The following HYDIN variants were observed in gnomAD, a reference collection of about 807,000 sequenced individuals.
HYDIN encodes the protein axonemal central pair apparatus protein HYDIN.
HYDIN carries 132 observed loss-of-function variants against 403.9 expected under a neutral mutation model. The observed-to-expected ratio is 0.33, with a 90% CI of 0.28 to 0.38. The LOEUF (loss-of-function observed/expected upper bound fraction) is 0.38. Among genes scored for constraint, HYDIN ranks in the 10% least tolerant of loss-of-function variants. The probability of loss-of-function intolerance (pLI) is 1.00; values close to 1 mark genes in which losing one functional copy is unlikely to be tolerated. For synonymous variants in HYDIN, 1,202 were observed against 1,891.7 expected (o/e 0.64, Z 9.46); for missense variants, 2,827 against 5,009.5 (o/e 0.56, Z 13.15).
rs1283197862 is a variant in HYDIN at position 70,831,512 on chromosome 16, A to C, written c.13899+1336T>G. Among the ~76,000 whole-genome samples, 7 of 109,088 alleles carry C rather than the reference A, an allele frequency of 6.4e-5. No homozygotes were observed. In the South Asian group the frequency reaches 1.4e-3, roughly 23 times the overall value. The allele number at this position is 109,088 out of a possible 152,430, so 71.6% of individuals were successfully genotyped here. ...GAACAGAGTGAGACTCTGTCTCAGAAAAAAAAAAAAAAAAACCAAAAAAAA... is the reference window on the plus strand; with the variant it reads ...GAACAGAGTGAGACTCTGTCTCAGACAAAAAAAAAAAAAAACCAAAAAAAA... On this transcript the variant is annotated intron_variant, in intron 80 of 85. Transcript: ENST00000393567.
rs1798538 is a variant in HYDIN, at chr16:70,981,288, C to G, written c.4510+103G>C. 2.7e-4 allele frequency: 396 copies of G among 1,459,324 alleles called. 4 individuals carry two copies. Among genetic ancestry groups the G allele is most frequent in the Middle Eastern group, 2.0e-3 (8 of 3,912 alleles). The allele number at this position is 1,459,324 out of a possible 1,614,324, so 90.4% of individuals were successfully genotyped here. On this transcript the variant is annotated intron_variant, in intron 29 of 85. Transcript: ENST00000393567. ...AATAACGTGGAAGAGAACCACAGGGCATTTCCAAGCAAATAAAGTAAGTAG... is the reference window on the plus strand; with the variant it reads ...AATAACGTGGAAGAGAACCACAGGGGATTTCCAAGCAAATAAAGTAAGTAG...
chr16:70,852,306 AG>A (rs1281189374), intron 73 of HYDIN, among the ~76,000 whole-genome samples: 1 of 75,506 alleles, frequency 1.3e-5, no homozygotes, highest in Non-Finnish European at 2.2e-5. Flanking sequence ...ATACCTTATA[AG>A]TTAATAAAAA....
chr16:71,018,716 T>C (rs1210990005), intron 22 of HYDIN, among the ~76,000 whole-genome samples: 1 of 152,248 alleles, frequency 6.6e-6, no homozygotes, highest in African/African-American at 2.4e-5. Context: ...GCAAGGAAAA[T>C]CTGGAATTAT....
At chr16:71,197,973 C>T (rs1241681280) in intron 1 of HYDIN, among the ~76,000 whole-genome samples, 1 of 152,222 alleles carries the variant, frequency 6.6e-6, no homozygotes, top group African/African-American at 2.4e-5. Context: ...TCTCAAACTC[C>T]TGACCTCAAG....
intron 5 of HYDIN, among the ~76,000 whole-genome samples, chr16:71,168,815 T>C (rs2086350308): frequency 6.6e-6 from 1 of 152,204 alleles, no homozygotes; most frequent in African/African-American, 2.4e-5. Context: ...GACACTTACA[T>C]GCAGCTGTAA....
chr16:71,004,797 A>G (rs991559216), intron 23 of HYDIN, among the ~76,000 whole-genome samples: 23 of 152,282 alleles, frequency 1.5e-4, no homozygotes, highest in Admixed American at 1.4e-3. Context: ...TAAGTTTGAA[A>G]TTATTTATTT....
intron 38 of HYDIN, among the ~76,000 whole-genome samples, 187 bp downstream of exon 38, chr16:70,961,772 A>G (rs1442850781): frequency 6.6e-6 from 1 of 151,624 alleles, no homozygotes; most frequent in South Asian, 2.1e-4. Context: ...TCATCACCCA[A>G]CTCTCAAGCT....
intron 8 of HYDIN, among the ~76,000 whole-genome samples, chr16:71,136,095 G>T (rs915259843): frequency 2.7e-5 from 4 of 147,304 alleles, no homozygotes; most frequent in African/African-American, 1.0e-4. Context: ...GTTAATTCAG[G>T]GAGGTTGGAA....
At chr16:70,824,920 G>A (rs2036498004) in intron 83 of HYDIN, among the ~76,000 whole-genome samples, 1 of 151,736 alleles carries the variant, frequency 6.6e-6, no homozygotes, top group African/African-American at 2.4e-5. Flanking sequence ...TGTCACCTCA[G>A]CTCACTGCAA....
At chr16:71,058,904 TATG>T (rs1162009544) in intron 18 of HYDIN, among the ~76,000 whole-genome samples, 8 of 152,234 alleles carry the variant, frequency 5.3e-5, no homozygotes, top group East Asian at 3.9e-4. Context: ...TGAAGATCTT[TATG>T]ATGATTACCT....
At chr16:71,070,183 C>G (rs1245940139) in intron 13 of HYDIN, among the ~76,000 whole-genome samples, 1 of 152,214 alleles carries the variant, frequency 6.6e-6, no homozygotes, top group East Asian at 1.9e-4. Context: ...AGACTCCTCT[C>G]TTAAGAGATG....
At chr16:71,073,909 A>G (rs1257499253) in intron 13 of HYDIN, among the ~76,000 whole-genome samples, 1 of 152,138 alleles carries the variant, frequency 6.6e-6, no homozygotes, top group Non-Finnish European at 1.5e-5. Context: ...CCAACATCCA[A>G]TCCTACCATC....
At chr16:70,902,794 AATATATATAT>A (rs1264288990) in intron 52 of HYDIN, among the ~76,000 whole-genome samples, 3 of 61,158 alleles carry the variant, frequency 4.9e-5, no homozygotes, top group Non-Finnish European at 8.3e-5. Flanking sequence ...CTACTCTTTA[AATATATATAT>A]ATATATATAT....
intron 85 of HYDIN, among the ~76,000 whole-genome samples, chr16:70,809,290 G>C (rs1375892386): frequency 1.3e-5 from 2 of 152,144 alleles, no homozygotes; most frequent in African/African-American, 4.8e-5. Context: ...ACTTACTATA[G>C]GCTAGGCTCT....
intron 3 of HYDIN, among the ~76,000 whole-genome samples, chr16:71,180,618 G>C (rs1383158759): frequency 1.2e-5 from 1 of 85,130 alleles, no homozygotes; most frequent in Non-Finnish European, 2.0e-5. Flanking sequence ...TAGACAGATA[G>C]ATGAAAGAAA....
chr16:70,866,179 G>A lies in HYDIN; in HGVS notation c.11461C>T (p.Arg3821Ter). 1.9e-6 allele frequency: 3 copies of A among 1,598,302 alleles called. No individual in the cohort carries two copies. The highest frequency in any genetic ancestry group is 1.7e-5 in the Admixed American group (1 of 57,388). The change falls in exon 67 of 86, where the codon CGA becomes TGA. Residue 3821 changes from arginine to a stop codon, truncating the protein, a stop_gained. Transcript: ENST00000393567. LOFTEE classifies it high-confidence loss of function. ...RFKETLVYQT[R>*]VFEFDVINSG... ...CTTTTGATGACTCACTCAAACACTC[G>A]GGTCTGGTAAACCAAGGTTTCCTTA...
At position 70,860,333 on chromosome 16, in the gene HYDIN, T is replaced by G. The variant is rs376871443; in HGVS notation, c.11991-127A>C. 7.0e-3 allele frequency: 6,628 copies of G among 946,810 alleles called. 35 individuals are homozygous for G. The highest frequency in any genetic ancestry group is 0.052 in the Middle Eastern group (170 of 3,276). 58.7% of individuals were successfully genotyped at this position (946,810 alleles called of 1,614,324 possible). A position where few individuals can be genotyped will look rare whatever the true frequency, so the allele number is the denominator to read the frequency against. On this transcript the variant is annotated intron_variant, in intron 70 of 85. Transcript: ENST00000393567. Reference sequence around the variant, plus strand: ...AAGCAGAACTGTTCAGAGCACTTTGTTACTGTGGAAATAAAAACTCCATCT... The same window carrying G: ...AAGCAGAACTGTTCAGAGCACTTTGGTACTGTGGAAATAAAAACTCCATCT...
At chr16:70,813,127 A>G (rs560902668) in intron 84 of HYDIN, among the ~76,000 whole-genome samples, 215 of 152,002 alleles carry the variant, frequency 1.4e-3, no homozygotes, top group African/African-American at 4.9e-3. Context: ...TAATTTTTGT[A>G]TTTTTAGTAG....
At chr16:71,062,085 G>A (rs2082108258) in intron 17 of HYDIN, 84 bp downstream of exon 17, 10 of 1,138,980 alleles carry the variant, frequency 8.8e-6, no homozygotes, top group Non-Finnish European at 2.6e-6. Context: ...ATGTGAATAT[G>A]GTGTGGGCCT....
Sources: gnomAD v4.1 joint callset for allele counts (sites outside exome capture counted in the v4.1 genomes callset) on GRCh38, gnomAD v4.1.1 for gene constraint, MANE v1.5 for transcripts, NCBI Gene and HGNC (gene_info 2026-07-23, HGNC 2026-07-21) for gene names.